The following ATRNL1 variants were observed in gnomAD, a reference collection of about 807,000 sequenced individuals.
ATRNL1 encodes attractin-like protein 1.
In ATRNL1, 95 loss-of-function variants were observed where a neutral mutation model predicts 182.7. The observed-to-expected ratio is 0.52, with a 90% confidence interval of 0.44 to 0.62. ATRNL1 has a LOEUF of 0.62. Among genes scored for constraint, ATRNL1 ranks in the 20% least tolerant of loss-of-function variants. The pLI, the probability that ATRNL1 is intolerant of heterozygous loss-of-function variation, is 0.00. For missense variants in ATRNL1, 1,471 were observed against 1,679.5 expected, an observed-to-expected ratio of 0.88 and a Z score of 2.17; for synonymous variants, 576 against 568.3, an observed-to-expected ratio of 1.01 and a Z score of -0.19.
chr10:115,376,184 T>A (rs906290752), intron 19 of ATRNL1, among the ~76,000 whole-genome samples: 1 of 152,168 alleles, frequency 6.6e-6, no homozygotes, highest in African/African-American at 2.4e-5. Flanking sequence ...AGGTTGTTGT[T>A]TTTTTTAAAG....
At chr10:115,715,891 T>A (rs1423556927) in intron 26 of ATRNL1, among the ~76,000 whole-genome samples, 5 of 152,180 alleles carry the variant, frequency 3.3e-5, no homozygotes, top group South Asian at 2.1e-4. Context: ...TTGGACTTAG[T>A]AACCTCCAGT....
intron 19 of ATRNL1, among the ~76,000 whole-genome samples, chr10:115,379,557 A>G (rs1857871949): frequency 6.6e-6 from 1 of 152,230 alleles, no homozygotes; most frequent in South Asian, 2.1e-4. Context: ...ACATCGTTTT[A>G]GTGTAACTCT....
intron 25 of ATRNL1, among the ~76,000 whole-genome samples, chr10:115,538,677 T>A (rs1421862539): frequency 5.3e-5 from 8 of 152,258 alleles, no homozygotes; most frequent in Non-Finnish European, 1.2e-4. Flanking sequence ...GTATCTTTTA[T>A]GGAGTGAAAA....
At chr10:115,869,660 T>A (rs1355853772) in intron 28 of ATRNL1, among the ~76,000 whole-genome samples, 1 of 152,240 alleles carries the variant, frequency 6.6e-6, no homozygotes, top group Non-Finnish European at 1.5e-5. Flanking sequence ...ATAAAATTAA[T>A]GTTTTCATTG....
intron 1 of ATRNL1, among the ~76,000 whole-genome samples, chr10:115,102,619 T>G (rs1554864875): frequency 6.6e-6 from 1 of 152,022 alleles, no homozygotes; most frequent in African/African-American, 2.4e-5. Flanking sequence ...AATTTTTGTA[T>G]TTTTGGTAGA....
chr10:115,263,006 C>T (rs1267417235), intron 10 of ATRNL1, among the ~76,000 whole-genome samples: 15 of 151,740 alleles, frequency 9.9e-5, no homozygotes, highest in Non-Finnish European at 2.1e-4. Flanking sequence ...TCTAGAGAAA[C>T]ATTCAAAATA....
intron 26 of ATRNL1, among the ~76,000 whole-genome samples, chr10:115,586,392 A>G (rs1224787605): frequency 7.6e-5 from 8 of 105,622 alleles, no homozygotes; most frequent in South Asian, 4.8e-4. Flanking sequence ...CAGGTACACC[A>G]ATCAGACGTG....
intron 28 of ATRNL1, among the ~76,000 whole-genome samples, chr10:115,856,428 C>CAAAAAAAACAAAAAAA: frequency 4.4e-5 from 1 of 22,536 alleles, no homozygotes; most frequent in Non-Finnish European, 8.2e-5. Context: ...AGCTCCATCT[C>CAAAAAAAACAAAAAAA]AAAAAAAAAA....
At chr10:115,320,158 G>A (rs1296836552) in intron 18 of ATRNL1, among the ~76,000 whole-genome samples, 2 of 151,962 alleles carry the variant, frequency 1.3e-5, no homozygotes, top group East Asian at 3.9e-4. Flanking sequence ...ATTAAGCTTA[G>A]TTTGGCTGGA....
intron 14 of ATRNL1, among the ~76,000 whole-genome samples, chr10:115,285,854 C>G (rs916832630): frequency 5.9e-5 from 9 of 152,088 alleles, no homozygotes; most frequent in Non-Finnish European, 1.0e-4. Flanking sequence ...TGTTGTTTTT[C>G]TATTAAAGTA....
intron 26 of ATRNL1, among the ~76,000 whole-genome samples, chr10:115,637,057 T>C (rs1555028440): frequency 1.3e-5 from 2 of 152,138 alleles, no homozygotes; most frequent in African/African-American, 4.8e-5. Context: ...CTCAAGAAGC[T>C]CCTTAAAAAG....
intron 24 of ATRNL1, among the ~76,000 whole-genome samples, 199 bp downstream of exon 24, chr10:115,469,528 CTA>C (rs1330336995): frequency 2.0e-5 from 3 of 150,490 alleles, no homozygotes; most frequent in Admixed American, 6.6e-5. Flanking sequence ...CCAACAAACT[CTA>C]TACTTAAATT....
chr10:115,602,973 G>A (rs1856689916), intron 26 of ATRNL1, among the ~76,000 whole-genome samples: 1 of 152,148 alleles, frequency 6.6e-6, no homozygotes, highest in South Asian at 2.1e-4. Context: ...TATAAGGAAT[G>A]TTAAAACAGA....
chr10:115,671,644 G>A (rs1377463141), intron 26 of ATRNL1, among the ~76,000 whole-genome samples: 1 of 152,086 alleles, frequency 6.6e-6, no homozygotes, highest in Non-Finnish European at 1.5e-5. Flanking sequence ...GAGAGCATGA[G>A]TAATAGAATT....
At chr10:115,576,365 C>T (rs191279225) in intron 26 of ATRNL1, among the ~76,000 whole-genome samples, 2 of 152,038 alleles carry the variant, frequency 1.3e-5, no homozygotes, top group African/African-American at 4.8e-5. Context: ...TAATAGTGTA[C>T]AGGGTTCACT....
intron 7 of ATRNL1, among the ~76,000 whole-genome samples, chr10:115,170,414 A>G (rs1246799784): frequency 6.6e-6 from 1 of 152,174 alleles, no homozygotes; most frequent in Non-Finnish European, 1.5e-5. Context: ...GGATTTACCA[A>G]AGGTGAACTG....
intron 27 of ATRNL1, among the ~76,000 whole-genome samples, chr10:115,753,061 T>C (rs1948490969): frequency 6.6e-6 from 1 of 152,042 alleles, no homozygotes. Flanking sequence ...ATCTAGAAGA[T>C]AGGAATAATA....
At chr10:115,598,922 A>AC (rs34736548) in intron 26 of ATRNL1, among the ~76,000 whole-genome samples, 74,726 of 151,866 alleles carry the variant, frequency 0.49, 19,289 homozygotes, top group African/African-American at 0.6. Context: ...AGTTGTGAAT[A>AC]TTTTCTGTTA....
chr10:115,679,927 A>G (rs1023518579), intron 26 of ATRNL1, among the ~76,000 whole-genome samples: 1 of 152,012 alleles, frequency 6.6e-6, no homozygotes, highest in Non-Finnish European at 1.5e-5. Context: ...TACTCTACTA[A>G]TATTCTATTT....
Sources: allele counts gnomAD v4.1 joint callset (sites outside exome capture counted in the v4.1 genomes callset), GRCh38; gene constraint gnomAD v4.1.1; transcripts MANE v1.5; gene names NCBI Gene and HGNC (gene_info 2026-07-23, HGNC 2026-07-21).